Variants in SORBS2 observed in about 807,000 individuals in gnomAD.
SORBS2 encodes the protein sorbin and SH3 domain-containing protein 2.
A neutral mutation model predicts 97.7 loss-of-function variants in SORBS2; 46 were observed. That is an observed-to-expected ratio of 0.47 (90% CI 0.37 to 0.60). SORBS2 has a LOEUF of 0.60. SORBS2 is among the 20% of genes least tolerant of loss of function. The pLI, the probability that SORBS2 is intolerant of heterozygous loss-of-function variation, is 0.00. For missense variants in SORBS2, 1,316 were observed against 1,282.3 expected (o/e 1.03, Z -0.40); for synonymous variants, 476 against 473.4 (o/e 1.01, Z -0.07).
intron 2 of SORBS2, among the ~76,000 whole-genome samples, chr4:185,680,376 G>GA (rs1334780466): frequency 1.3e-5 from 2 of 152,070 alleles, no homozygotes; most frequent in African/African-American, 2.4e-5. Flanking sequence ...TGAAGATAAA[G>GA]AAAAATACAG....
At chr4:185,862,935 C>T (rs2099224709) in intron 1 of SORBS2, among the ~76,000 whole-genome samples, 1 of 152,166 alleles carries the variant, frequency 6.6e-6, no homozygotes, top group African/African-American at 2.4e-5. Context: ...TCTTGTAGAG[C>T]CCCTGGGACT....
At chr4:185,772,877 T>C (rs985405447) in intron 2 of SORBS2, 1 of 152,192 alleles carries the variant, frequency 6.6e-6, no homozygotes, top group Admixed American at 6.5e-5. Context: ...CCAGGCTCAC[T>C]GACATTCATG....
intron 4 of SORBS2, chr4:185,676,931 C>T (rs970523537): frequency 7.3e-7 from 1 of 1,364,058 alleles, no homozygotes; most frequent in African/African-American, 1.5e-5. Flanking sequence ...GAAGCCCAAA[C>T]CAAAGGAGTT....
At chr4:185,751,190 A>AAAAAAAAAAAAAAAAAAAAAAATT in intron 2 of SORBS2, among the ~76,000 whole-genome samples, 1 of 86,510 alleles carries the variant, frequency 1.2e-5, no homozygotes, top group Admixed American at 1.1e-4. Flanking sequence ...AAAAAAAAAA[A>AAAAAAAAAAAAAAAAAAAAAAATT]AGAGAAAGAG....
intron 4 of SORBS2, among the ~76,000 whole-genome samples, chr4:185,665,163 T>A (rs4241810): frequency 0.52 from 79,363 of 152,098 alleles, 22,191 homozygotes; most frequent in Non-Finnish European, 0.64. Context: ...TTAAAAATCG[T>A]ACAGCTAAAT....
intron 5 of SORBS2, among the ~76,000 whole-genome samples, chr4:185,629,100 C>T (rs1489358489): frequency 6.6e-6 from 1 of 152,220 alleles, no homozygotes; most frequent in Non-Finnish European, 1.5e-5. Context: ...GAGGTATATG[C>T]TGTTATCTCA....
At chr4:185,802,424 CA>C (rs1486946547) in intron 1 of SORBS2, among the ~76,000 whole-genome samples, 1 of 152,158 alleles carries the variant, frequency 6.6e-6, no homozygotes, top group African/African-American at 2.4e-5. Flanking sequence ...TATACAGTTA[CA>C]ACTTCGACAT....
chr4:185,808,659 C>T (rs1255634731), intron 1 of SORBS2, among the ~76,000 whole-genome samples: 4 of 152,164 alleles, frequency 2.6e-5, no homozygotes, highest in East Asian at 1.9e-4. Context: ...GATTTCCAGT[C>T]ACCTTTTAGG....
At chr4:185,643,052 C>A (rs1286228954) in intron 4 of SORBS2, among the ~76,000 whole-genome samples, 1 of 152,240 alleles carries the variant, frequency 6.6e-6, no homozygotes, top group African/African-American at 2.4e-5. Flanking sequence ...AGGCATCGTC[C>A]CAGGTGTTGG....
At chr4:185,852,880 A>C (rs1012020582) in intron 1 of SORBS2, among the ~76,000 whole-genome samples, 1 of 152,106 alleles carries the variant, frequency 6.6e-6, no homozygotes, top group Non-Finnish European at 1.5e-5. Context: ...CCACCACGCA[A>C]ATCACCACTT....
chr4:185,867,625 A>T (rs1236094576), intron 1 of SORBS2, among the ~76,000 whole-genome samples: 2 of 152,246 alleles, frequency 1.3e-5, no homozygotes, highest in Non-Finnish European at 2.9e-5. Context: ...TTGGACTGAC[A>T]GGAAATGAAA....
chr4:185,873,002 T>C (rs1465810256), intron 1 of SORBS2, among the ~76,000 whole-genome samples: 1 of 152,218 alleles, frequency 6.6e-6, no homozygotes, highest in Non-Finnish European at 1.5e-5. Flanking sequence ...GTCACCAGCA[T>C]AGGGCTGTGC....
At chr4:185,794,670 G>A (rs1481617085) in intron 1 of SORBS2, among the ~76,000 whole-genome samples, 3 of 151,872 alleles carry the variant, frequency 2.0e-5, no homozygotes, top group African/African-American at 7.3e-5. Flanking sequence ...TGGAGAAAGA[G>A]GAATTTCTAT....
chr4:185,792,320 C>T (rs2099083859), intron 1 of SORBS2, among the ~76,000 whole-genome samples: 1 of 152,078 alleles, frequency 6.6e-6, no homozygotes, highest in Admixed American at 6.5e-5. Context: ...ATGGTGAAAC[C>T]CCGTCTCTAC....
chr4:185,666,214 T>A (rs769862218), intron 4 of SORBS2: 1 of 1,258,912 alleles, frequency 7.9e-7, no homozygotes, highest in South Asian at 1.2e-5. Flanking sequence ...AAGCTGAGTA[T>A]GAGGAAAAAA....
chr4:185,859,134 T>C (rs561625232), intron 1 of SORBS2, among the ~76,000 whole-genome samples: 2 of 152,308 alleles, frequency 1.3e-5, no homozygotes, highest in South Asian at 2.1e-4. Flanking sequence ...AAGGAGTCTA[T>C]TGTTTGTAAG....
At chr4:185,788,860 AG>A (rs1230086360) in intron 1 of SORBS2, among the ~76,000 whole-genome samples, 1 of 152,240 alleles carries the variant, frequency 6.6e-6, no homozygotes, top group African/African-American at 2.4e-5. Context: ...TTACAGATTA[AG>A]ATCTATCCAC....
chr4:185,728,817 C>G (rs1156545507), intron 2 of SORBS2, among the ~76,000 whole-genome samples: 2 of 152,194 alleles, frequency 1.3e-5, no homozygotes, highest in Non-Finnish European at 2.9e-5. Flanking sequence ...GATGCAAACC[C>G]CAGCTGCATG....
intron 12 of SORBS2, among the ~76,000 whole-genome samples, chr4:185,597,944 C>T (rs2096153468): frequency 6.6e-6 from 1 of 152,220 alleles, no homozygotes; most frequent in Non-Finnish European, 1.5e-5. Flanking sequence ...GTTCTTCCCT[C>T]CCCACGTTTT....
Sources: gnomAD v4.1 joint callset for allele counts (sites outside exome capture counted in the v4.1 genomes callset) on GRCh38, gnomAD v4.1.1 for gene constraint, MANE v1.5 for transcripts, NCBI Gene and HGNC (gene_info 2026-07-23, HGNC 2026-07-21) for gene names.